RGP1: variants seen among roughly 807,000 people sequenced by gnomAD.
RGP1 encodes the protein RAB6A-GEF complex partner protein 2.
RGP1 carries 28 observed loss-of-function variants against 44.5 expected under a neutral mutation model. The observed-to-expected ratio is 0.63, with a 90% confidence interval of 0.47 to 0.86. RGP1 has a LOEUF of 0.86. RGP1 is among the 40% of genes least tolerant of loss of function. The probability of loss-of-function intolerance (pLI) is 0.00; values close to 1 mark genes in which losing one functional copy is unlikely to be tolerated. For missense variants in RGP1, 417 were observed against 490.7 expected, an observed-to-expected ratio of 0.85 and a Z score of 1.42; for synonymous variants, 212 against 196.7, an observed-to-expected ratio of 1.08 and a Z score of -0.65.
In RGP1 at chr9:35,755,627, C is replaced by A. The variant is rs1480045015; in HGVS notation, c.*2753C>A. 4 of 152,138 alleles carry A rather than the reference C, an allele frequency of 2.6e-5. No homozygotes were observed. Among genetic ancestry groups the A allele is most frequent in the Non-Finnish European group, 5.9e-5 (4 of 68,034 alleles). The allele number at this position is 152,138 out of a possible 1,614,324, so 9.4% of individuals were successfully genotyped here. On this transcript the variant is annotated 3_prime_UTR_variant, in exon 9 of 9. Coordinates refer to ENST00000378078, the MANE Select transcript of RGP1 (RefSeq NM_001080496.3). ...TCATAAGGAGTGTGCAATCTAGATC[C>A]CTTGCATGCGGAGTTCACAGTGGGG...
At chr9:35,770,802 C>T in the RGP1 span, among the ~76,000 whole-genome samples, 1 of 152,156 alleles carries the variant, frequency 6.6e-6, no homozygotes, top group Admixed American at 6.5e-5. Context: ...CAGAGGAGCA[C>T]ACCTGGAGCT....
the RGP1 span, among the ~76,000 whole-genome samples, chr9:35,769,843 C>A: frequency 6.6e-6 from 1 of 152,110 alleles, no homozygotes; most frequent in Non-Finnish European, 1.5e-5. Flanking sequence ...CAATGGGAAG[C>A]TATTCAAGAG....
chr9:35,763,896 A>T, the RGP1 span, among the ~76,000 whole-genome samples: 1 of 150,264 alleles, frequency 6.7e-6, no homozygotes, highest in Admixed American at 6.6e-5. Context: ...AAAAAAAAAA[A>T]AAAAGAAAAG....
Position 35,753,698 on chromosome 9 carries a change from G to A in RGP1, c.*824G>A. 1.2e-6 allele frequency: 2 copies of A among 1,614,140 alleles called. No individual in the cohort carries two copies. Among genetic ancestry groups the A allele is most frequent in the Non-Finnish European group, 1.7e-6 (2 of 1,180,020 alleles). ...CCACGCCAACAGGATGCAGACAGGT[G>A]CAATGGAAACAGTCCTTGCGGAGCC... On this transcript the variant is annotated 3_prime_UTR_variant, in exon 9 of 9. Transcript: ENST00000378078. This position sits in a 1 kb window ranked among gnomAD's most constrained non-coding sequence, Gnocchi z 4.2.
chr9:35,763,210 T>C (rs1009657982), downstream of RGP1, among the ~76,000 whole-genome samples: 1 of 152,238 alleles, frequency 6.6e-6, no homozygotes, highest in Non-Finnish European at 1.5e-5. Flanking sequence ...TCTTGGAACA[T>C]TGTTTTCGTC....
At chr9:35,779,822 T>A in the RGP1 span, among the ~76,000 whole-genome samples, 7 of 152,102 alleles carry the variant, frequency 4.6e-5, no homozygotes, top group Non-Finnish European at 8.8e-5. Flanking sequence ...GCAGCCTGAA[T>A]CTCTTGGGCA....
At chr9:35,781,945 C>T in the RGP1 span, among the ~76,000 whole-genome samples, 1 of 150,806 alleles carries the variant, frequency 6.6e-6, no homozygotes, top group African/African-American at 2.4e-5. Context: ...TATTGAAATA[C>T]CTGTTTTTAA....
rs1198331438 is a variant in RGP1, at chr9:35,749,482, C to T, written c.-20+74C>T. The T allele has an allele frequency of 4.7e-6, 3 of 641,430 alleles. No individual in the cohort carries two copies. The highest frequency in any genetic ancestry group is 6.0e-6 in the Non-Finnish European group (2 of 334,268). The allele number at this position is 641,430 out of a possible 1,614,324, so 39.7% of individuals were successfully genotyped here. A position where few individuals can be genotyped will look rare whatever the true frequency, so the allele number is the denominator to read the frequency against. On this transcript the variant is annotated intron_variant, in intron 1 of 8. Transcript: ENST00000378078. This position sits in a 1 kb window ranked among gnomAD's most constrained non-coding sequence, Gnocchi z 4.4. ...GGGGGAGCGGAGGCCAGTTTGGGAACTCCGCGGGGGTGCCCAGGGAGAAGA... is the reference window on the plus strand; with the variant it reads ...GGGGGAGCGGAGGCCAGTTTGGGAATTCCGCGGGGGTGCCCAGGGAGAAGA...
chr9:35,787,177 T>C, the RGP1 span, among the ~76,000 whole-genome samples: 5 of 151,738 alleles, frequency 3.3e-5, no homozygotes, highest in African/African-American at 9.7e-5. Flanking sequence ...AAGATGTATA[T>C]GAATTCAAAG....
At chr9:35,769,816 G>A in the RGP1 span, among the ~76,000 whole-genome samples, 2 of 152,268 alleles carry the variant, frequency 1.3e-5, no homozygotes, top group Middle Eastern at 3.4e-3. Context: ...TCAGTTGTTT[G>A]TATTTCATCC....
the RGP1 span, among the ~76,000 whole-genome samples, chr9:35,775,798 C>T: frequency 2.0e-5 from 3 of 152,308 alleles, no homozygotes; most frequent in East Asian, 3.9e-4. Context: ...TTGCTTTACT[C>T]TTCCAGAATA....
At position 35,753,211 on chromosome 9, in the gene RGP1, G is replaced by A; in HGVS notation, c.*337G>A. On this transcript the variant is annotated 3_prime_UTR_variant, in exon 9 of 9. Transcript: ENST00000378078. This position sits in a 1 kb window ranked among gnomAD's most constrained non-coding sequence, Gnocchi z 4.2. ...GCCGAGGGTCAGATTTTTGCACCAA[G>A]GAGAACTGGCAGGTTCCTGCCTCCT... 6.2e-7 allele frequency: 1 copy of A among 1,614,188 alleles called. No individual in the cohort carries two copies. The highest frequency in any genetic ancestry group is 8.5e-7 in the Non-Finnish European group (1 of 1,180,016).
Position 35,754,076 on chromosome 9 carries a change from C to G in RGP1, c.*1202C>G, listed in dbSNP as rs1183293169. On this transcript the variant is annotated 3_prime_UTR_variant, in exon 9 of 9. Coordinates refer to ENST00000378078, the MANE Select transcript of RGP1 (RefSeq NM_001080496.3). ...GAGACATCACCAAGCAGATGATCCC[C>G]CAGCCTCCTAGGATCCCCTTGGCCT... The G allele has an allele frequency of 6.2e-7, 1 of 1,613,632 alleles. No homozygotes were observed. Among genetic ancestry groups the G allele is most frequent in the Admixed American group, 1.7e-5 (1 of 60,002 alleles).
Position 35,753,318 on chromosome 9 carries a change from GA to G in RGP1, c.*447del. 1 of 1,597,112 alleles carries G rather than the reference GA, an allele frequency of 6.3e-7. No homozygotes were observed. On this transcript the variant is annotated 3_prime_UTR_variant, in exon 9 of 9. Transcript: ENST00000378078. The surrounding 1 kb of genome is among the most constrained non-coding windows in gnomAD (Gnocchi z 4.2). The stretch of plus-strand genomic sequence containing the variant: ...GGATAGGGGAAGGAGTCAGCACAGT[GA>G]AAGGCTGCCTTTATCCCTGCCCACA...
Position 35,752,791 on chromosome 9 carries a change from C to A in RGP1, c.1093C>A (p.Leu365Met), listed in dbSNP as rs1285857363. ...ACCTGTAGACACCTTCAGCTGGGAC[C>A]TGCCCATCAAGGTGCTGCCTACTAG... ...QVPVDTFSWD[L>M]PIKVLPTSPT... The change falls in exon 9 of 9, where the codon CTG becomes ATG. Residue 365 changes from leucine (L) to methionine (M), a missense_variant. Leu to Met is a conservative substitution (Grantham distance 15). Coordinates refer to ENST00000378078, the MANE Select transcript of RGP1 (RefSeq NM_001080496.3). 1 of 1,613,882 alleles carries A rather than the reference C, an allele frequency of 6.2e-7. No homozygotes were observed. Among genetic ancestry groups the A allele is most frequent in the Non-Finnish European group, 8.5e-7 (1 of 1,179,836 alleles).
rs978553200 is a variant in RGP1 at position 35,757,911 on chromosome 9, TAAAAATAA to T, written c.*5049_*5056del. ...GATTTAAGTAATTTTGGTGGATTTTTAAAAATAAAAAAATAAAAATAGAAAAGTTGCAC... is the reference window on the plus strand; with the variant it reads ...GATTTAAGTAATTTTGGTGGATTTTTAAAAATAAAAATAGAAAAGTTGCAC... On this transcript the variant is annotated 3_prime_UTR_variant, in exon 9 of 9. Transcript: ENST00000378078. 3 of 152,224 alleles carry T rather than the reference TAAAAATAA, an allele frequency of 2.0e-5. No homozygotes were observed. The highest frequency in any genetic ancestry group is 7.2e-5 in the African/African-American group (3 of 41,452). The allele number at this position is 152,224 out of a possible 1,614,324, so 9.4% of individuals were successfully genotyped here. A position where few individuals can be genotyped will look rare whatever the true frequency, so the allele number is the denominator to read the frequency against.
At position 35,753,730 on chromosome 9, in the gene RGP1, C is replaced by T; in HGVS notation, c.*856C>T. On this transcript the variant is annotated 3_prime_UTR_variant, in exon 9 of 9. Coordinates refer to ENST00000378078, the MANE Select transcript of RGP1 (RefSeq NM_001080496.3). This position sits in a 1 kb window ranked among gnomAD's most constrained non-coding sequence, Gnocchi z 4.2. ...AAACAGTCCTTGCGGAGCCAAGACT[C>T]ACCCAGGGTAAAATATTTCCCCTCA... The T allele has an allele frequency of 1.2e-6, 2 of 1,614,164 alleles. No individual in the cohort carries two copies. The highest frequency in any genetic ancestry group is 1.3e-5 in the African/African-American group (1 of 75,052).
Position 35,753,552 on chromosome 9 carries a change from G to T in RGP1, c.*678G>T, listed in dbSNP as rs1338641985. The stretch of plus-strand genomic sequence containing the variant: ...GGTCCCTTCAGGTTTGGCCCATCTT[G>T]TATTGCTCTTCTGTTCATTCTTACA... On this transcript the variant is annotated 3_prime_UTR_variant, in exon 9 of 9. Transcript: ENST00000378078. The surrounding 1 kb of genome is among the most constrained non-coding windows in gnomAD (Gnocchi z 4.2). 1 of 984,196 alleles carries T rather than the reference G, an allele frequency of 1.0e-6. No homozygotes were observed. Among genetic ancestry groups the T allele is most frequent in the Non-Finnish European group, 1.5e-6 (1 of 646,960 alleles). The allele number at this position is 984,196 out of a possible 1,614,324, so 61.0% of individuals were successfully genotyped here.
the RGP1 span, among the ~76,000 whole-genome samples, chr9:35,779,519 G>A: frequency 7.2e-5 from 11 of 152,320 alleles, no homozygotes; most frequent in African/African-American, 2.6e-4. Context: ...CATTCTGTTT[G>A]GCTTAGCAAG....
Sources: allele counts gnomAD v4.1 joint callset (sites outside exome capture counted in the v4.1 genomes callset), GRCh38; gene constraint gnomAD v4.1.1; non-coding constraint Gnocchi (gnomAD v3.1); transcripts MANE v1.5; gene names NCBI Gene and HGNC (gene_info 2026-07-23, HGNC 2026-07-21).